The following TSPAN18 variants were observed in gnomAD, a reference collection of about 807,000 sequenced individuals.
The protein encoded by TSPAN18 is tetraspanin-18.
In TSPAN18, 14 loss-of-function variants were observed where a neutral mutation model predicts 27.3. The observed-to-expected ratio is 0.51, with a 90% CI of 0.34 to 0.80. The LOEUF (loss-of-function observed/expected upper bound fraction) is 0.80. Among genes scored for constraint, TSPAN18 ranks in the 30% least tolerant of loss-of-function variants. TSPAN18 has a pLI of 0.01. For synonymous variants in TSPAN18, 143 were observed against 136.5 expected (o/e 1.05, Z -0.33); for missense variants, 268 against 323.9 (o/e 0.83, Z 1.32).
chr11:44,857,459 T>C (rs892492603), intron 2 of TSPAN18, among the ~76,000 whole-genome samples: 1 of 152,208 alleles, frequency 6.6e-6, no homozygotes, highest in Non-Finnish European at 1.5e-5. Flanking sequence ...CTGGCTTCCC[T>C]ACCTGCTGGC....
Position 44,920,280 on chromosome 11 carries a change from C to T in TSPAN18, c.615+281C>T, listed in dbSNP as rs142305514. 1.5e-3 allele frequency among the ~76,000 whole-genome samples: 221 copies of T among 152,056 alleles called. 1 individual carries two copies. Among genetic ancestry groups the T allele is most frequent in the African/African-American group, 4.5e-3 (188 of 41,502 alleles). ...GGCTAAGGGGTGAGTAGGAGTTTCC[C>T]GATGTTTCCTGAGTTTCTGATAATG... is the stretch of plus-strand genomic sequence containing the variant. On this transcript the variant is annotated intron_variant, in intron 8 of 9. Coordinates refer to ENST00000520358, the MANE Select transcript of TSPAN18 (RefSeq NM_130783.5).
In TSPAN18 at chr11:44,850,552, GTAA is replaced by G. The variant is rs576472424; in HGVS notation, c.-152-9764_-152-9762del. On this transcript the variant is annotated intron_variant, in intron 2 of 9. Coordinates refer to ENST00000520358, the MANE Select transcript of TSPAN18 (RefSeq NM_130783.5). ...CTTCAATGTGGATGGAATGATCATT[GTAA>G]TAATAATAATAGTTTCCACTTACTG... Among the ~76,000 whole-genome samples the G allele has an allele frequency of 2.0e-4, 31 of 152,238 alleles. No individual in the cohort carries two copies. The South Asian group carries it at 5.0e-3, about 24-fold the overall frequency.
At chr11:44,772,617 ACTGTATTGGGAGTTT>A (rs1855713253) in intron 2 of TSPAN18, among the ~76,000 whole-genome samples, 1 of 152,074 alleles carries the variant, frequency 6.6e-6, no homozygotes, top group South Asian at 2.1e-4. Context: ...TAGGTAATAC[ACTGTATTGGGAGTTT>A]CTGTATTATT....
intron 3 of TSPAN18, 135 bp from the exon 4 acceptor site, chr11:44,906,272 C>A: frequency 1.2e-6 from 1 of 806,800 alleles, no homozygotes; most frequent in Non-Finnish European, 2.1e-6. Context: ...GCATGCTCAT[C>A]TCTATCATCG....
Sources: allele counts gnomAD v4.1 joint callset (sites outside exome capture counted in the v4.1 genomes callset), GRCh38; gene constraint gnomAD v4.1.1; transcripts MANE v1.5; gene names NCBI Gene and HGNC (gene_info 2026-07-23, HGNC 2026-07-21).